FAM20B: variants seen among roughly 807,000 people sequenced by gnomAD.
The protein encoded by FAM20B is FAM20B glycosaminoglycan xylosylkinase, also known as glycosaminoglycan xylosylkinase.
FAM20B carries 23 observed loss-of-function variants against 43.8 expected under a neutral mutation model. That is an observed-to-expected ratio of 0.53 (90% CI 0.38 to 0.74). The LOEUF (loss-of-function observed/expected upper bound fraction) is 0.74, where lower values mean the gene tolerates loss of function less well. Among genes scored for constraint, FAM20B ranks in the 30% least tolerant of loss-of-function variants. The probability of loss-of-function intolerance (pLI) is 0.00; values close to 1 mark genes in which losing one functional copy is unlikely to be tolerated. For synonymous variants in FAM20B, 178 were observed against 192.4 expected, an observed-to-expected ratio of 0.93 and a Z score of 0.62; for missense variants, 440 against 510.5, an observed-to-expected ratio of 0.86 and a Z score of 1.33.
intron 1 of FAM20B, among the ~76,000 whole-genome samples, chr1:179,033,364 C>T (rs925221788): frequency 6.6e-6 from 1 of 152,090 alleles, no homozygotes; most frequent in Admixed American, 6.6e-5. Context: ...TAAATATATA[C>T]AATGAAAACA....
chr1:179,019,587 C>T, the FAM20B span, among the ~76,000 whole-genome samples: 6 of 152,086 alleles, frequency 3.9e-5, no homozygotes, highest in African/African-American at 1.2e-4. Flanking sequence ...CTCAGCCTCC[C>T]GAGTACCTGG....
chr1:179,048,207 A>G (rs921006935), intron 2 of FAM20B, among the ~76,000 whole-genome samples: 2 of 152,182 alleles, frequency 1.3e-5, no homozygotes, highest in Non-Finnish European at 2.9e-5. Context: ...GTAGAAGTGA[A>G]TGAGTAATCT....
chr1:179,061,696 A>G (rs1651472619), intron 4 of FAM20B, among the ~76,000 whole-genome samples: 1 of 152,186 alleles, frequency 6.6e-6, no homozygotes, highest in Admixed American at 6.5e-5. Flanking sequence ...GATGTGAGCC[A>G]CAGTTCCTGG....
At chr1:179,038,880 A>G (rs1484194000) in intron 1 of FAM20B, among the ~76,000 whole-genome samples, 3 of 152,372 alleles carry the variant, frequency 2.0e-5, no homozygotes, top group Admixed American at 1.3e-4. Context: ...AGAATTTGAA[A>G]TTAACTCTCA....
intron 7 of FAM20B, among the ~76,000 whole-genome samples, chr1:179,071,020 C>T (rs753970008): frequency 1.7e-4 from 26 of 151,694 alleles, no homozygotes; most frequent in Non-Finnish European, 3.2e-4. Flanking sequence ...TTCCGCCAGG[C>T]GCAGTGGCTC....
chr1:179,061,065 C>T (rs1310015739), intron 4 of FAM20B, among the ~76,000 whole-genome samples: 3 of 143,988 alleles, frequency 2.1e-5, no homozygotes, highest in Non-Finnish European at 3.0e-5. Flanking sequence ...GATGTAAATA[C>T]TCTTTGTCGA....
intron 1 of FAM20B, among the ~76,000 whole-genome samples, chr1:179,026,629 C>A (rs2102476552): frequency 6.6e-6 from 1 of 152,340 alleles, no homozygotes; most frequent in East Asian, 1.9e-4. Flanking sequence ...GAAGGCGGGG[C>A]AACCGTGCCC....
chr1:179,020,158 C>A, the FAM20B span, among the ~76,000 whole-genome samples: 1 of 20,196 alleles, frequency 5.0e-5, no homozygotes, highest in African/African-American at 5.1e-4. Context: ...TGTGTATACA[C>A]ACACACACAC....
chr1:179,034,454 C>T (rs943826612), intron 1 of FAM20B, among the ~76,000 whole-genome samples: 1 of 151,970 alleles, frequency 6.6e-6, no homozygotes, highest in Non-Finnish European at 1.5e-5. Context: ...AGGCTGGTCT[C>T]GAATTCCTGG....
upstream of FAM20B, among the ~76,000 whole-genome samples, chr1:179,022,821 AC>A (rs539014352): frequency 5.3e-3 from 801 of 152,296 alleles, 9 homozygotes; most frequent in African/African-American, 0.019. Flanking sequence ...AATACACCCC[AC>A]CGCAAGACAG....
At chr1:179,019,588 G>A in the FAM20B span, among the ~76,000 whole-genome samples, 2 of 151,754 alleles carry the variant, frequency 1.3e-5, no homozygotes, top group Admixed American at 6.6e-5. Flanking sequence ...TCAGCCTCCC[G>A]AGTACCTGGG....
chr1:179,028,239 A>C (rs560604099), intron 1 of FAM20B, among the ~76,000 whole-genome samples: 1 of 152,330 alleles, frequency 6.6e-6, no homozygotes, highest in Admixed American at 6.5e-5. Flanking sequence ...TGATTGCCAC[A>C]ATCTCATAAC....
At chr1:179,061,745 T>G (rs1273850285) in intron 4 of FAM20B, among the ~76,000 whole-genome samples, 1 of 152,166 alleles carries the variant, frequency 6.6e-6, no homozygotes, top group Admixed American at 6.6e-5. Flanking sequence ...TCGTTGCTTC[T>G]AGACCTATTA....
rs778279832 is a variant in FAM20B at position 179,064,370 on chromosome 1, G to A, written c.812G>A (p.Arg271His). Residue 271 changes from arginine to histidine, a missense_variant, in exon 6 of 8, where the codon CGC becomes CAC. Coordinates refer to ENST00000263733, the MANE Select transcript of FAM20B (RefSeq NM_014864.4). ...KKTSPYDSGP[R>H]LLDIIDTAVF... ...ACGTCCCCTTATGACTCTGGCCCGC[G>A]CCTCTTGGACATCATTGACACAGCT... The A allele has an allele frequency of 5.6e-6, 9 of 1,613,972 alleles. No individual in the cohort carries two copies. Among genetic ancestry groups the A allele is most frequent in the East Asian group, 2.2e-5 (1 of 44,904 alleles).
rs150090752 is a variant in FAM20B, at chr1:179,068,536, A to G, written c.998+1677A>G. Among the ~76,000 whole-genome samples the G allele has an allele frequency of 4.5e-4, 68 of 152,080 alleles. 1 individual carries two copies. The East Asian group carries it at 0.013, about 28-fold the overall frequency. On this transcript the variant is annotated intron_variant, in intron 7 of 7. Transcript: ENST00000263733. Reference sequence around the variant, plus strand: ...CTGCAGCCTCCACCTCCCATGTTCAAGTGATTCTCCTGCGTCAGCCTCCCA... The same window carrying G: ...CTGCAGCCTCCACCTCCCATGTTCAGGTGATTCTCCTGCGTCAGCCTCCCA...
At chr1:179,065,296 A>G (rs554527271) in intron 6 of FAM20B, among the ~76,000 whole-genome samples, 2 of 151,336 alleles carry the variant, frequency 1.3e-5, no homozygotes, top group Non-Finnish European at 3.0e-5. Flanking sequence ...GACTACAGGC[A>G]CTCGCTAATT....
intron 1 of FAM20B, among the ~76,000 whole-genome samples, chr1:179,039,474 G>T (rs893676794): frequency 6.6e-6 from 1 of 152,078 alleles, no homozygotes; most frequent in Non-Finnish European, 1.5e-5. Flanking sequence ...GGCTTTATTA[G>T]TTTTCTGGTT....
At position 179,076,338 on chromosome 1, in the gene FAM20B, G is replaced by A. The variant is rs9249; in HGVS notation, c.*4194G>A. 21,428 of 152,184 alleles carry A rather than the reference G, an allele frequency of 0.14. 1,689 individuals are homozygous for A. The highest frequency in any genetic ancestry group is 0.31 in the East Asian group (1,578 of 5,170). 9.4% of individuals were successfully genotyped at this position (152,184 alleles called of 1,614,324 possible). On this transcript the variant is annotated 3_prime_UTR_variant, in exon 8 of 8. Coordinates refer to ENST00000263733, the MANE Select transcript of FAM20B (RefSeq NM_014864.4). ...TTCTCATAAACACAAAATGTTGGGTGAAACTGGGAACAACTACTCAGAAGC... is the reference window on the plus strand; with the variant it reads ...TTCTCATAAACACAAAATGTTGGGTAAAACTGGGAACAACTACTCAGAAGC...
intron 2 of FAM20B, among the ~76,000 whole-genome samples, chr1:179,047,596 C>T (rs975644899): frequency 2.0e-5 from 3 of 152,214 alleles, no homozygotes; most frequent in Non-Finnish European, 4.4e-5. Flanking sequence ...TTGGCCCCTG[C>T]CATAGGTGCT....
Sources: allele counts gnomAD v4.1 joint callset (sites outside exome capture counted in the v4.1 genomes callset), GRCh38; gene constraint gnomAD v4.1.1; transcripts MANE v1.5; gene names NCBI Gene and HGNC (gene_info 2026-07-23, HGNC 2026-07-21).